OTUD7A: variants seen among roughly 807,000 people sequenced by gnomAD.
The protein encoded by OTUD7A is OTU domain-containing protein 7A.
A neutral mutation model predicts 65.7 loss-of-function variants in OTUD7A; 12 were observed. The observed-to-expected ratio is 0.18, with a 90% CI of 0.12 to 0.30. OTUD7A has a LOEUF of 0.30. OTUD7A is among the 10% of genes least tolerant of loss of function. OTUD7A has a pLI of 1.00. For missense variants in OTUD7A, 1,148 were observed against 1,304.8 expected (o/e 0.88, Z 1.85); for synonymous variants, 641 against 586.3 (o/e 1.09, Z -1.35).
In OTUD7A at chr15:31,639,596, T is replaced by G. The variant is rs1199557604; in HGVS notation, c.151+15500A>C. Among the ~76,000 whole-genome samples, 4 of 151,382 alleles carry G rather than the reference T, an allele frequency of 2.6e-5. No individual in the cohort carries two copies. In the East Asian group the frequency reaches 7.7e-4, roughly 29 times the overall value. ...ATTTTGAAGAACTTGCTGAATTGTT[T>G]TCTAAAGTGGCTGCACCACTTTCCA... On this transcript the variant is annotated intron_variant, in intron 3 of 12. Transcript: ENST00000307050.
In OTUD7A at chr15:31,484,310, G is replaced by T. The variant is rs768298436; in HGVS notation, c.1786C>A (p.Pro596Thr). The T allele has an allele frequency of 6.3e-7, 1 of 1,597,604 alleles. No individual in the cohort carries two copies. Among genetic ancestry groups the T allele is most frequent in the East Asian group, 2.2e-5 (1 of 44,664 alleles). The change falls in exon 13 of 13, where the codon CCG (proline) becomes ACG (threonine). Residue 596 changes from proline (P) to threonine (T), a missense_variant. Around this residue, in one of 6 missense-constraint regions of OTUD7A, gnomAD observed 842 missense variants for 769.5 expected, o/e 1.09. Transcript: ENST00000307050. This position sits in a 1 kb window ranked among gnomAD's most constrained non-coding sequence, Gnocchi z 4.5. ...ASTSPSEKTT[P>T]SPTDKAAGAS... ...CCCGCTGCCTTGTCTGTGGGCGACG[G>T]CGTGGTCTTTTCCGACGGCGACGTG... is the stretch of plus-strand genomic sequence containing the variant.
intron 3 of OTUD7A, among the ~76,000 whole-genome samples, chr15:31,580,712 G>T (rs906285101): frequency 1.3e-5 from 2 of 152,162 alleles, no homozygotes; most frequent in African/African-American, 4.8e-5. Context: ...ATAACCATCA[G>T]ATCTTGTGAG....
intron 1 of OTUD7A, chr15:31,766,209 G>A (rs1355918112): frequency 3.9e-6 from 6 of 1,525,866 alleles, no homozygotes; most frequent in Non-Finnish European, 4.5e-6. Flanking sequence ...CACTTCTTCA[G>A]CACAGCATAA....
At chr15:31,495,146 C>A (rs1206203814) in intron 10 of OTUD7A, among the ~76,000 whole-genome samples, 1 of 152,292 alleles carries the variant, frequency 6.6e-6, no homozygotes, top group South Asian at 2.1e-4. Context: ...GCTTTCTCTT[C>A]TCTCCAGGCC....
intron 3 of OTUD7A, among the ~76,000 whole-genome samples, chr15:31,594,469 T>C (rs1396076664): frequency 6.6e-6 from 1 of 152,140 alleles, no homozygotes; most frequent in African/African-American, 2.4e-5. Context: ...CTCGCTTCCT[T>C]CCCACAGTGT....
intron 1 of OTUD7A, among the ~76,000 whole-genome samples, chr15:31,660,907 C>T (rs1262501797): frequency 6.6e-6 from 1 of 152,220 alleles, no homozygotes; most frequent in Non-Finnish European, 1.5e-5. Context: ...AGTGCTGGGA[C>T]ACACCACTTG....
intron 1 of OTUD7A, among the ~76,000 whole-genome samples, chr15:31,802,239 C>T (rs1896152716): frequency 1.3e-5 from 2 of 151,826 alleles, no homozygotes; most frequent in Non-Finnish European, 1.5e-5. Context: ...CAAGGAGAGC[C>T]ATTCTGAGTC....
chr15:31,669,447 A>T (rs1892421086), intron 1 of OTUD7A, among the ~76,000 whole-genome samples: 1 of 152,152 alleles, frequency 6.6e-6, no homozygotes, highest in Non-Finnish European at 1.5e-5. Flanking sequence ...CGGCAGTCGC[A>T]GGCCTCACCC....
At chr15:31,658,516 G>A (rs1698360982) in intron 1 of OTUD7A, among the ~76,000 whole-genome samples, 2 of 152,142 alleles carry the variant, frequency 1.3e-5, no homozygotes, top group Admixed American at 1.3e-4. Context: ...TTCAGGCCAT[G>A]ACTGCAGGGA....
chr15:31,498,739 C>T lies in OTUD7A; in HGVS notation c.1171+2951G>A, dbSNP rs2041422062. Among the ~76,000 whole-genome samples, 1 of 152,170 alleles carries T rather than the reference C, an allele frequency of 6.6e-6. No individual in the cohort carries two copies. Among genetic ancestry groups the T allele is most frequent in the South Asian group, 2.1e-4 (1 of 4,830 alleles). ...TGTCAGGGAGCAAATGACTAATGTC[C>T]TCCCCAGGAGAAAGCAGGTGACCAT... is the stretch of plus-strand genomic sequence containing the variant. On this transcript the variant is annotated intron_variant, in intron 10 of 12. Transcript: ENST00000307050. This position sits in a 1 kb window ranked among gnomAD's most constrained non-coding sequence, Gnocchi z 4.2.
At chr15:31,701,324 A>C (rs928018176) in intron 1 of OTUD7A, among the ~76,000 whole-genome samples, 1 of 150,708 alleles carries the variant, frequency 6.6e-6, no homozygotes, top group East Asian at 1.9e-4. Context: ...ATTTGGAAAA[A>C]CTCGGTGAAA....
intron 3 of OTUD7A, among the ~76,000 whole-genome samples, chr15:31,635,160 T>A (rs1891300266): frequency 6.6e-6 from 1 of 152,208 alleles, no homozygotes; most frequent in Admixed American, 6.5e-5. Flanking sequence ...CCATTCATAG[T>A]CCTTCTTGGC....
At chr15:31,757,347 T>C (rs1023416871) in intron 1 of OTUD7A, among the ~76,000 whole-genome samples, 3 of 148,656 alleles carry the variant, frequency 2.0e-5, no homozygotes, top group African/African-American at 7.4e-5. Flanking sequence ...TGAAATAATA[T>C]ATATATTATA....
chr15:31,869,701 T>C (rs994630741), intron 1 of OTUD7A, among the ~76,000 whole-genome samples: 2 of 152,198 alleles, frequency 1.3e-5, no homozygotes, highest in Non-Finnish European at 2.9e-5. Context: ...TAGCTGAGTT[T>C]ACAGAGCAGA....
Position 31,573,905 on chromosome 15 carries a change from A to G in OTUD7A, c.152-3708T>C, listed in dbSNP as rs367601048. Among the ~76,000 whole-genome samples, 10 of 152,314 alleles carry G rather than the reference A, an allele frequency of 6.6e-5. No individual in the cohort carries two copies. In the East Asian group the frequency reaches 1.7e-3, roughly 26 times the overall value. ...GACAGAGCAAGACTCCGTCTCAAAC[A>G]TAACAACAACAAAAAAAACAAAACT... is the stretch of plus-strand genomic sequence containing the variant. On this transcript the variant is annotated intron_variant, in intron 3 of 12. Transcript: ENST00000307050.
chr15:31,813,386 C>T (rs890914781), intron 1 of OTUD7A, among the ~76,000 whole-genome samples: 3 of 152,168 alleles, frequency 2.0e-5, no homozygotes, highest in Admixed American at 1.3e-4. Context: ...TCTTAGGTCA[C>T]GATGATTTAC....
intron 8 of OTUD7A, 55 bp from the exon 9 acceptor site, chr15:31,503,873 A>C (rs1307978341): frequency 6.2e-7 from 1 of 1,605,258 alleles, no homozygotes; most frequent in Non-Finnish European, 8.5e-7. Context: ...TGGAGGATGG[A>C]GAAAGTGGGG....
chr15:31,823,464 T>C (rs554784853), intron 1 of OTUD7A, among the ~76,000 whole-genome samples: 1 of 152,334 alleles, frequency 6.6e-6, no homozygotes, highest in East Asian at 1.9e-4. Flanking sequence ...ACAAAGAGGA[T>C]ACATTTATTT....
At chr15:31,500,365 G>C (rs74010669) in intron 10 of OTUD7A, among the ~76,000 whole-genome samples, 8 of 152,208 alleles carry the variant, frequency 5.3e-5, no homozygotes, top group Admixed American at 3.9e-4. Context: ...TTCTTGTCAC[G>C]GCCGGCTGTA....
Sources: allele counts gnomAD v4.1 joint callset (sites outside exome capture counted in the v4.1 genomes callset), GRCh38; gene constraint gnomAD v4.1.1; regional missense constraint gnomAD v4.1.1; non-coding constraint Gnocchi (gnomAD v3.1); transcripts MANE v1.5; gene names NCBI Gene and HGNC (gene_info 2026-07-23, HGNC 2026-07-21).